The following PRPF38A variants were observed in gnomAD, a reference collection of about 807,000 sequenced individuals.
PRPF38A encodes pre-mRNA processing factor 38A, also known as pre-mRNA-splicing factor 38A.
A neutral mutation model predicts 46.8 loss-of-function variants in PRPF38A; 11 were observed. That is an observed-to-expected ratio of 0.24 (90% confidence interval 0.15 to 0.39). The LOEUF is 0.39. Among genes scored for constraint, PRPF38A ranks in the 10% least tolerant of loss-of-function variants. The pLI, the probability that PRPF38A is intolerant of heterozygous loss-of-function variation, is 1.00. For synonymous variants in PRPF38A, 124 were observed against 136.2 expected, an observed-to-expected ratio of 0.91 and a Z score of 0.62; for missense variants, 261 against 407.5, an observed-to-expected ratio of 0.64 and a Z score of 3.10.
intron 4 of PRPF38A, 75 bp from the exon 5 acceptor site, chr1:52,412,439 C>T: frequency 2.0e-6 from 2 of 1,009,302 alleles, no homozygotes; most frequent in Non-Finnish European, 3.0e-6. Context: ...CCTTGGAACC[C>T]TGAAGCCCAG....
At chr1:52,406,356 T>G (rs753050488) in intron 2 of PRPF38A, among the ~76,000 whole-genome samples, 13 of 152,172 alleles carry the variant, frequency 8.5e-5, no homozygotes, top group Non-Finnish European at 1.5e-4. Context: ...TTTTGGTAAT[T>G]TTTCCCTGAA....
intron 3 of PRPF38A, 85 bp downstream of exon 3, chr1:52,408,775 C>T (rs1483032132): frequency 2.1e-6 from 3 of 1,462,474 alleles, no homozygotes; most frequent in South Asian, 1.2e-5. Flanking sequence ...TTGTCATAGA[C>T]AGTGTGAATG....
At chr1:52,408,757 C>T in intron 3 of PRPF38A, 67 bp downstream of exon 3, 1 of 1,564,056 alleles carries the variant, frequency 6.4e-7, no homozygotes, top group East Asian at 2.3e-5. Context: ...AGTACTTCTA[C>T]CTTTGCATTG....
chr1:52,416,619 A>ATAAT (rs2147960332), intron 9 of PRPF38A, 29 bp from the exon 10 acceptor site: 1 of 1,588,778 alleles, frequency 6.3e-7, no homozygotes, highest in Non-Finnish European at 8.6e-7. Flanking sequence ...GCTTCTTAAT[A>ATAAT]TAATTATTTA....
chr1:52,408,721 A>T (rs762571236), intron 3 of PRPF38A, 31 bp downstream of exon 3: 2 of 1,609,280 alleles, frequency 1.2e-6, no homozygotes, highest in East Asian at 4.5e-5. Context: ...CCTGATTGTC[A>T]TTTTTAAGCC....
intron 3 of PRPF38A, among the ~76,000 whole-genome samples, 162 bp from the exon 4 acceptor site, chr1:52,410,953 G>GT (rs761061369): frequency 3.3e-5 from 5 of 152,190 alleles, no homozygotes; most frequent in Non-Finnish European, 5.9e-5. Context: ...TTGTTTTTGT[G>GT]TTTGTCTCCT....
chr1:52,414,185 GCAGT>G (rs1307536982), intron 6 of PRPF38A, among the ~76,000 whole-genome samples, 194 bp downstream of exon 6: 1 of 152,174 alleles, frequency 6.6e-6, no homozygotes, highest in African/African-American at 2.4e-5. Context: ...TCACAAGTCT[GCAGT>G]CAATGATTTA....
intron 8 of PRPF38A, 23 bp downstream of exon 8, chr1:52,414,882 C>T: frequency 1.2e-6 from 2 of 1,610,284 alleles, no homozygotes; most frequent in Non-Finnish European, 1.7e-6. Flanking sequence ...GGCCTTTTGC[C>T]ACAGGTTGTC....
intron 5 of PRPF38A, 30 bp downstream of exon 5, chr1:52,412,654 G>C (rs1648179327): frequency 1.5e-6 from 2 of 1,374,036 alleles, no homozygotes. Context: ...TATGGTTGTA[G>C]GGGAGGGAGT....
intron 4 of PRPF38A, among the ~76,000 whole-genome samples, chr1:52,412,307 T>G (rs1162619646): frequency 6.6e-6 from 1 of 152,214 alleles, no homozygotes; most frequent in East Asian, 1.9e-4. Context: ...CAATAGAAAA[T>G]GAAGATGTTC....
Position 52,415,340 on chromosome 1 carries a change from C to G in PRPF38A, c.850C>G (p.His284Asp). Reference sequence around the variant, plus strand: ...TGCAATGGCCTTTTCTTCCCCAGGTCATCACCGTAGTCACAGACACAGGAG... The same window carrying G: ...TGCAATGGCCTTTTCTTCCCCAGGTGATCACCGTAGTCACAGACACAGGAG... ...RHRSRSKSPGHHRSHRHRSHS... is the reference protein window; with the variant it reads ...RHRSRSKSPGDHRSHRHRSHS... The change falls in exon 9 of 10, where the codon CAT (histidine) becomes GAT (aspartate). Residue 284 changes from histidine to aspartate, a missense_variant and splice_region_variant. Physicochemically the swap from His to Asp is moderately conservative, Grantham distance 81 (BLOSUM62 -1). Around this residue, in one of 2 missense-constraint regions of PRPF38A, gnomAD observed 180 missense variants for 221.0 expected, o/e 0.81. Transcript: ENST00000257181. The G allele has an allele frequency of 6.2e-7, 1 of 1,613,770 alleles. No individual in the cohort carries two copies.
In PRPF38A at chr1:52,405,590, A is replaced by G. The variant is rs144617120; in HGVS notation, c.131-90A>G. The G allele has an allele frequency of 1.9e-4, 229 of 1,178,936 alleles. 2 individuals are homozygous for G. The African/African-American group carries it at 2.7e-3, about 14-fold the overall frequency. 73.0% of individuals were successfully genotyped at this position (1,178,936 alleles called of 1,614,324 possible). A position where few individuals can be genotyped will look rare whatever the true frequency, so the allele number is the denominator to read the frequency against. ...TCTCCTAATATTACACTGTTGATGTATATTTAGGAGAACCAAAGCTTGAAC... is the reference window on the plus strand; with the variant it reads ...TCTCCTAATATTACACTGTTGATGTGTATTTAGGAGAACCAAAGCTTGAAC... On this transcript the variant is annotated intron_variant, in intron 1 of 9. Transcript: ENST00000257181.
chr1:52,420,128 A>G lies in PRPF38A; in HGVS notation c.*3438A>G, dbSNP rs1394007563. 1 of 152,252 alleles carries G rather than the reference A, an allele frequency of 6.6e-6. No homozygotes were observed. Among genetic ancestry groups the G allele is most frequent in the Non-Finnish European group, 1.5e-5 (1 of 68,048 alleles). The allele number at this position is 152,252 out of a possible 1,614,324, so 9.4% of individuals were successfully genotyped here. A position where few individuals can be genotyped will look rare whatever the true frequency, so the allele number is the denominator to read the frequency against. On this transcript the variant is annotated 3_prime_UTR_variant, in exon 10 of 10. Coordinates refer to ENST00000257181, the MANE Select transcript of PRPF38A (RefSeq NM_032864.4). ...GCAAAAGGCTCCAAAGGTTTGAGAAAAAGTGCCAGGAATTTTATACTTTGC... is the reference window on the plus strand; with the variant it reads ...GCAAAAGGCTCCAAAGGTTTGAGAAGAAGTGCCAGGAATTTTATACTTTGC...
At chr1:52,411,696 C>G (rs1310501082) in intron 4 of PRPF38A, among the ~76,000 whole-genome samples, 1 of 152,104 alleles carries the variant, frequency 6.6e-6, no homozygotes, top group African/African-American at 2.4e-5. Context: ...ATTCCTTAAA[C>G]TTGCCTTCAC....
intron 2 of PRPF38A, among the ~76,000 whole-genome samples, chr1:52,406,605 G>A (rs554758858): frequency 5.3e-5 from 8 of 152,250 alleles, no homozygotes; most frequent in African/African-American, 1.9e-4. Flanking sequence ...GTGAAAGAAC[G>A]TAATGCATGC....
intron 9 of PRPF38A, 69 bp from the exon 10 acceptor site, chr1:52,416,579 G>T: frequency 8.0e-7 from 1 of 1,255,620 alleles, no homozygotes. Flanking sequence ...AAAGTGCTGG[G>T]ATTACAGGCG....
chr1:52,420,402 CAAGTA>C lies in PRPF38A; in HGVS notation c.*3713_*3717del, dbSNP rs1198007451. 2 of 152,050 alleles carry C rather than the reference CAAGTA, an allele frequency of 1.3e-5. No homozygotes were observed. Among genetic ancestry groups the C allele is most frequent in the African/African-American group, 4.8e-5 (2 of 41,398 alleles). 9.4% of individuals were successfully genotyped at this position (152,050 alleles called of 1,614,324 possible). ...ATGAACACTGTCTATATAGAAATAACAAGTAGAGTGTGCTGGTTTCATCTTTCATA... is the reference window on the plus strand; with the variant it reads ...ATGAACACTGTCTATATAGAAATAACGAGTGTGCTGGTTTCATCTTTCATA... On this transcript the variant is annotated 3_prime_UTR_variant, in exon 10 of 10. Transcript: ENST00000257181.
At chr1:52,411,380 A>G (rs1648145489) in intron 4 of PRPF38A, among the ~76,000 whole-genome samples, 180 bp downstream of exon 4, 1 of 152,204 alleles carries the variant, frequency 6.6e-6, no homozygotes, top group African/African-American at 2.4e-5. Flanking sequence ...AATAGATAAA[A>G]TATTTGAAGG....
chr1:52,414,751 C>T lies in PRPF38A; in HGVS notation c.750-11C>T. 6.2e-7 allele frequency: 1 copy of T among 1,614,106 alleles called. No homozygotes were observed. On this transcript the variant is annotated splice_polypyrimidine_tract_variant and intron_variant, in intron 7 of 9. Transcript: ENST00000257181. ...AACCAGATCTGGTAGTCTGACCAGT[C>T]TTTTCTACAGCCCCTCCCCTCGCCG...
Sources: allele counts gnomAD v4.1 joint callset (sites outside exome capture counted in the v4.1 genomes callset), GRCh38; gene constraint gnomAD v4.1.1; regional missense constraint gnomAD v4.1.1; transcripts MANE v1.5; gene names NCBI Gene and HGNC (gene_info 2026-07-23, HGNC 2026-07-21).